EPS15L1: variants seen among roughly 807,000 people sequenced by gnomAD.
The protein encoded by EPS15L1 is epidermal growth factor receptor pathway substrate 15 like 1, also known as epidermal growth factor receptor substrate 15-like 1.
EPS15L1 carries 43 observed loss-of-function variants against 117.1 expected under a neutral mutation model. That is an observed-to-expected ratio of 0.37 (90% CI 0.29 to 0.47). The LOEUF (loss-of-function observed/expected upper bound fraction) is 0.47. EPS15L1 is among the 20% of genes least tolerant of loss of function. The pLI, the probability that EPS15L1 is intolerant of heterozygous loss-of-function variation, is 0.99. For synonymous variants in EPS15L1, 459 were observed against 470.5 expected, an observed-to-expected ratio of 0.98 and a Z score of 0.32; for missense variants, 981 against 1,164.0, an observed-to-expected ratio of 0.84 and a Z score of 2.29.
chr19:16,452,206 G>A (rs2093151904), intron 1 of EPS15L1, among the ~76,000 whole-genome samples: 1 of 151,472 alleles, frequency 6.6e-6, no homozygotes, highest in Non-Finnish European at 1.5e-5. Context: ...AGCACTTTGG[G>A]AGGCTGAGGT....
At chr19:16,424,252 A>G (rs1190070330) in intron 9 of EPS15L1, among the ~76,000 whole-genome samples, 1 of 152,188 alleles carries the variant, frequency 6.6e-6, no homozygotes, top group Non-Finnish European at 1.5e-5. Context: ...TGTGGACTGT[A>G]GGCCCCCAGA....
At chr19:16,401,535 C>T (rs1007968236) in intron 16 of EPS15L1, 5 of 985,628 alleles carry the variant, frequency 5.1e-6, no homozygotes, top group East Asian at 1.1e-4. Flanking sequence ...ATGCGCGGCC[C>T]GGCCCATCCG....
Position 16,370,311 on chromosome 19 carries a change from C to G in EPS15L1, c.2380+6811G>C, listed in dbSNP as rs902604625. Among the ~76,000 whole-genome samples the G allele has an allele frequency of 6.6e-6, 1 of 152,142 alleles. No homozygotes were observed. Among genetic ancestry groups the G allele is most frequent in the Admixed American group, 6.5e-5 (1 of 15,278 alleles). ...ATGAAAGATGAGGGGCCATGTTCAC[C>G]CCGCCAGAAAAGCAGGGAGGCGGTG... On this transcript the variant is annotated intron_variant, in intron 22 of 23. Coordinates refer to ENST00000455140, the MANE Select transcript of EPS15L1 (RefSeq NM_001258374.3). The surrounding 1 kb of genome is among the most constrained non-coding windows in gnomAD (Gnocchi z 5.2).
rs1454640324 is a variant in EPS15L1 at position 16,401,132 on chromosome 19, G to A, written c.1791+1189C>T. Reference sequence around the variant, plus strand: ...AGCTGATGATGACGGGCCCGGGGGCGGCTATGGAAACCACCTCATTACGAG... The same window carrying A: ...AGCTGATGATGACGGGCCCGGGGGCAGCTATGGAAACCACCTCATTACGAG... On this transcript the variant is annotated intron_variant, in intron 16 of 23. Coordinates refer to ENST00000455140, the MANE Select transcript of EPS15L1 (RefSeq NM_001258374.3). The A allele has an allele frequency of 1.8e-5, 18 of 985,240 alleles. No homozygotes were observed. In the Admixed American group the frequency reaches 5.5e-4, roughly 30 times the overall value. The allele number at this position is 985,240 out of a possible 1,614,324, so 61.0% of individuals were successfully genotyped here. A position where few individuals can be genotyped will look rare whatever the true frequency, so the allele number is the denominator to read the frequency against.
intron 19 of EPS15L1, among the ~76,000 whole-genome samples, chr19:16,386,952 A>G (rs891016131): frequency 7.2e-5 from 11 of 152,224 alleles, no homozygotes; most frequent in Non-Finnish European, 4.4e-5. Flanking sequence ...CATGTATCAG[A>G]TACATTTCTA....
At chr19:16,459,676 G>T (rs2093229901) in intron 1 of EPS15L1, among the ~76,000 whole-genome samples, 1 of 152,100 alleles carries the variant, frequency 6.6e-6, no homozygotes, top group Admixed American at 6.6e-5. Flanking sequence ...ATATGCAAGT[G>T]AAATACACTC....
intron 17 of EPS15L1, 143 bp downstream of exon 17, chr19:16,395,201 C>CAAAAA: frequency 1.1e-5 from 5 of 458,152 alleles, no homozygotes; most frequent in Non-Finnish European, 1.0e-5. Context: ...AGTTCGTCTC[C>CAAAAA]AAAAAAAAAA....
chr19:16,438,304 G>C (rs762379868), intron 4 of EPS15L1, among the ~76,000 whole-genome samples: 2 of 152,070 alleles, frequency 1.3e-5, no homozygotes, highest in Non-Finnish European at 2.9e-5. Flanking sequence ...AGTGAGCCAA[G>C]ATCATGCCAC....
At position 16,377,196 on chromosome 19, in the gene EPS15L1, G is replaced by T. The variant is rs376491057; in HGVS notation, c.2306C>A (p.Pro769His). Residue 769 changes from proline to histidine, a missense_variant, in exon 22 of 24, where the codon CCC becomes CAC. By Grantham distance (77) the Pro-to-His change is moderately conservative. Around this residue, in one of 5 missense-constraint regions of EPS15L1, gnomAD observed 819 missense variants for 949.0 expected, o/e 0.86. Transcript: ENST00000455140. ...SLGGAGFSDD[P>H]FKSKQDTPAL... ...AGGAGTGTCCTGTTTACTTTTAAAG[G>T]GGTCATCTGAGAATCCTGCCCCTCC... The T allele has an allele frequency of 3.1e-6, 5 of 1,613,116 alleles. No individual in the cohort carries two copies. Among genetic ancestry groups the T allele is most frequent in the Non-Finnish European group, 4.2e-6 (5 of 1,179,506 alleles).
intron 10 of EPS15L1, 88 bp from the exon 11 acceptor site, chr19:16,418,192 G>T: frequency 6.9e-7 from 1 of 1,457,616 alleles, no homozygotes; most frequent in Non-Finnish European, 9.3e-7. Flanking sequence ...TTTCAAAAAC[G>T]ACAGCGACGA....
At chr19:16,446,942 C>T (rs2093089008) in intron 1 of EPS15L1, among the ~76,000 whole-genome samples, 1 of 152,162 alleles carries the variant, frequency 6.6e-6, no homozygotes, top group Non-Finnish European at 1.5e-5. Flanking sequence ...GGAAGTTAGG[C>T]ATATAACACT....
chr19:16,464,882 C>T lies in EPS15L1; in HGVS notation c.33+7031G>A, dbSNP rs1311917906. Among the ~76,000 whole-genome samples, 4 of 151,398 alleles carry T rather than the reference C, an allele frequency of 2.6e-5. No homozygotes were observed. In the East Asian group the frequency reaches 5.8e-4, roughly 22 times the overall value. On this transcript the variant is annotated intron_variant, in intron 1 of 23. Coordinates refer to ENST00000455140, the MANE Select transcript of EPS15L1 (RefSeq NM_001258374.3). The stretch of plus-strand genomic sequence containing the variant: ...GCAGATCACAAGGTCAGATCGAGAC[C>T]ATCCTGCCTAACCAGTGAAACCCCG...
At chr19:16,382,090 A>G (rs960101139) in intron 21 of EPS15L1, among the ~76,000 whole-genome samples, 3 of 151,796 alleles carry the variant, frequency 2.0e-5, no homozygotes, top group Non-Finnish European at 4.4e-5. Flanking sequence ...GAGCCGCCTA[A>G]CCCTCCAGGC....
intron 1 of EPS15L1, among the ~76,000 whole-genome samples, chr19:16,455,128 T>C (rs1599678508): frequency 6.7e-6 from 1 of 148,854 alleles, no homozygotes. Context: ...AAACTCCATC[T>C]CAAAAAAAAA....
intron 7 of EPS15L1, among the ~76,000 whole-genome samples, chr19:16,433,823 C>T (rs2092952457): frequency 6.6e-6 from 1 of 151,888 alleles, no homozygotes; most frequent in South Asian, 2.1e-4. Flanking sequence ...ATTAGCTGGG[C>T]GTGGTGGCAT....
At chr19:16,379,347 G>T (rs2092334434) in intron 21 of EPS15L1, among the ~76,000 whole-genome samples, 1 of 152,248 alleles carries the variant, frequency 6.6e-6, no homozygotes, top group South Asian at 2.1e-4. Flanking sequence ...TCCTCCAAGA[G>T]CATAGAAGAG....
intron 6 of EPS15L1, among the ~76,000 whole-genome samples, chr19:16,435,573 A>G (rs936313): frequency 0.097 from 14,823 of 152,194 alleles, 1,218 homozygotes; most frequent in East Asian, 0.27. Context: ...CAGAGCCCTC[A>G]GTCACAGAGA....
chr19:16,413,768 C>G lies in EPS15L1; in HGVS notation c.1266+5G>C. ...AGATGTAACCAAAACGAACGAGACC[C>G]TTACCTGCACCTCGCTGGTTTTCTG... On this transcript the variant is annotated splice_donor_5th_base_variant and intron_variant, in intron 13 of 23. Coordinates refer to ENST00000455140, the MANE Select transcript of EPS15L1 (RefSeq NM_001258374.3). 6.2e-7 allele frequency: 1 copy of G among 1,613,238 alleles called. No individual in the cohort carries two copies. The highest frequency in any genetic ancestry group is 8.5e-7 in the Non-Finnish European group (1 of 1,179,156).
chr19:16,466,714 G>A (rs1568475479), intron 1 of EPS15L1, among the ~76,000 whole-genome samples: 1 of 151,988 alleles, frequency 6.6e-6, no homozygotes, highest in African/African-American at 2.4e-5. Context: ...ACCAGCCTAG[G>A]CAACATAGTG....
Sources: gnomAD v4.1 joint callset for allele counts (sites outside exome capture counted in the v4.1 genomes callset) on GRCh38, gnomAD v4.1.1 for gene constraint, gnomAD v4.1.1 regional missense constraint, Gnocchi (gnomAD v3.1) non-coding constraint, MANE v1.5 for transcripts, NCBI Gene and HGNC (gene_info 2026-07-23, HGNC 2026-07-21) for gene names.